The following RSU1 variants were observed in gnomAD, a reference collection of about 807,000 sequenced individuals.
RSU1 encodes Ras suppressor protein 1.
In RSU1, 26 loss-of-function variants were observed where a neutral mutation model predicts 31.1. That is an observed-to-expected ratio of 0.84 (90% CI 0.61 to 1.16). RSU1 has a LOEUF of 1.16. Among genes scored for constraint, RSU1 ranks in the 50% most tolerant of loss-of-function variants. The probability of loss-of-function intolerance (pLI) is 0.00; values close to 1 mark genes in which losing one functional copy is unlikely to be tolerated. For missense variants in RSU1, 320 were observed against 339.1 expected (o/e 0.94, Z 0.44); for synonymous variants, 164 against 136.3 (o/e 1.20, Z -1.41).
intron 4 of RSU1, among the ~76,000 whole-genome samples, chr10:16,761,982 G>A (rs778275272): frequency 6.6e-6 from 1 of 152,094 alleles, no homozygotes; most frequent in Non-Finnish European, 1.5e-5. Flanking sequence ...TTGTGCTCCT[G>A]AAGATCTCAT....
Position 16,726,235 on chromosome 10 carries a change from GACCT to G in RSU1, c.598+26300_598+26303del, listed in dbSNP as rs1194847932. ...TTGTCAATATAGTTACCTGCTTCTT[GACCT>G]ACCTTTCTGTCTATCTTAGGAACGT... On this transcript the variant is annotated intron_variant, in intron 7 of 8. Coordinates refer to ENST00000345264, the MANE Select transcript of RSU1 (RefSeq NM_012425.4). Among the ~76,000 whole-genome samples the G allele has an allele frequency of 2.0e-5, 3 of 149,756 alleles. No homozygotes were observed. In the East Asian group the frequency reaches 5.9e-4, roughly 29 times the overall value.
At chr10:16,762,538 T>A (rs376427081) in intron 4 of RSU1, among the ~76,000 whole-genome samples, 8 of 151,250 alleles carry the variant, frequency 5.3e-5, no homozygotes, top group East Asian at 3.9e-4. Flanking sequence ...CCATCTCATC[T>A]CAAGCGATGT....
chr10:16,780,283 G>A (rs1347510697), intron 3 of RSU1, among the ~76,000 whole-genome samples: 2 of 152,260 alleles, frequency 1.3e-5, no homozygotes, highest in East Asian at 3.9e-4. Flanking sequence ...TTGGAGACAG[G>A]GTCTACCTCT....
At chr10:16,755,571 T>G (rs549959147) in intron 4 of RSU1, among the ~76,000 whole-genome samples, 1 of 152,108 alleles carries the variant, frequency 6.6e-6, no homozygotes, top group Admixed American at 6.5e-5. Context: ...ACGCGCTGCC[T>G]CATATGCTTG....
In RSU1 at chr10:16,641,429, T is replaced by G. The variant is rs543164121; in HGVS notation, c.732-47933A>C. On this transcript the variant is annotated intron_variant, in intron 8 of 8. Coordinates refer to ENST00000345264, the MANE Select transcript of RSU1 (RefSeq NM_012425.4). ...CTCGTATGAACCCAAGAGGCGGAGG[T>G]TGCAGTAAGCCGAGACTGTGCCACT... 2.7e-3 allele frequency among the ~76,000 whole-genome samples: 405 copies of G among 150,870 alleles called. 1 individual carries two copies. The highest frequency in any genetic ancestry group is 9.5e-3 in the African/African-American group (386 of 40,728).
At chr10:16,703,778 T>C (rs1302525701) in intron 7 of RSU1, among the ~76,000 whole-genome samples, 2 of 152,152 alleles carry the variant, frequency 1.3e-5, no homozygotes, top group Non-Finnish European at 2.9e-5. Flanking sequence ...GAAATACACA[T>C]ATAAGTGTAT....
intron 3 of RSU1, among the ~76,000 whole-genome samples, chr10:16,778,359 C>A (rs763669675): frequency 2.6e-5 from 4 of 152,182 alleles, no homozygotes; most frequent in African/African-American, 4.8e-5. Flanking sequence ...ATGTTCCCCA[C>A]TTTCTCTCCA....
rs1833524036 is a variant in RSU1, at chr10:16,592,447, G to A, written c.*947C>T. 6.6e-6 allele frequency: 1 copy of A among 152,190 alleles called. No homozygotes were observed. The highest frequency in any genetic ancestry group is 6.5e-5 in the Admixed American group (1 of 15,286). 9.4% of individuals were successfully genotyped at this position (152,190 alleles called of 1,614,324 possible). On this transcript the variant is annotated 3_prime_UTR_variant, in exon 9 of 9. Transcript: ENST00000345264. Reference sequence around the variant, plus strand: ...GATTGTTTAATGACTCTGCAACTGTGGTTTCCACCCTGGGTGTGGTGTAGC... The same window carrying A: ...GATTGTTTAATGACTCTGCAACTGTAGTTTCCACCCTGGGTGTGGTGTAGC...
At chr10:16,635,600 G>A (rs922411943) in intron 8 of RSU1, among the ~76,000 whole-genome samples, 15 of 152,076 alleles carry the variant, frequency 9.9e-5, no homozygotes, top group African/African-American at 3.4e-4. Flanking sequence ...AAATGATACT[G>A]TCCCAGCAAC....
At chr10:16,747,816 C>T (rs536440802) in intron 7 of RSU1, among the ~76,000 whole-genome samples, 2 of 152,184 alleles carry the variant, frequency 1.3e-5, no homozygotes, top group East Asian at 1.9e-4. Context: ...GAGGATCACT[C>T]AAGCACAGGA....
At chr10:16,788,692 G>A (rs1837849523) in intron 2 of RSU1, among the ~76,000 whole-genome samples, 1 of 152,204 alleles carries the variant, frequency 6.6e-6, no homozygotes, top group Non-Finnish European at 1.5e-5. Flanking sequence ...GACAGCCTGA[G>A]CTCAGCCATC....
At chr10:16,745,529 A>G (rs1214115410) in intron 7 of RSU1, among the ~76,000 whole-genome samples, 1 of 152,166 alleles carries the variant, frequency 6.6e-6, no homozygotes, top group African/African-American at 2.4e-5. Context: ...ATCTTACATG[A>G]ATGGCAGGAG....
intron 3 of RSU1, among the ~76,000 whole-genome samples, chr10:16,766,226 A>G (rs1288418883): frequency 6.6e-6 from 1 of 152,232 alleles, no homozygotes; most frequent in Non-Finnish European, 1.5e-5. Context: ...GGCCGTTGAT[A>G]AAAGAACAAG....
intron 2 of RSU1, among the ~76,000 whole-genome samples, chr10:16,797,908 C>T (rs1221328502): frequency 1.5e-5 from 2 of 136,018 alleles, no homozygotes; most frequent in South Asian, 4.7e-4. Context: ...GTTGCCCAGA[C>T]TGGAGTGGAG....
chr10:16,770,722 C>A (rs866752827), intron 3 of RSU1, among the ~76,000 whole-genome samples: 4 of 152,198 alleles, frequency 2.6e-5, no homozygotes, highest in Non-Finnish European at 5.9e-5. Flanking sequence ...GGACTTAAGG[C>A]AGGTACTTCG....
chr10:16,786,365 C>G (rs1837792127), intron 2 of RSU1, among the ~76,000 whole-genome samples: 3 of 152,178 alleles, frequency 2.0e-5, no homozygotes, highest in Admixed American at 6.5e-5. Flanking sequence ...TTAGTCCTTT[C>G]GACACACGCC....
intron 8 of RSU1, among the ~76,000 whole-genome samples, chr10:16,627,105 C>T (rs895332342): frequency 2.0e-5 from 3 of 152,220 alleles, no homozygotes; most frequent in Non-Finnish European, 4.4e-5. Context: ...ACTTCACTGA[C>T]AGGACGACCA....
intron 2 of RSU1, among the ~76,000 whole-genome samples, chr10:16,805,207 A>AAATAAT (rs542547588): frequency 6.6e-6 from 1 of 151,540 alleles, no homozygotes; most frequent in Non-Finnish European, 1.5e-5. Context: ...ACTCCATCTC[A>AAATAAT]AATAATAATA....
intron 2 of RSU1, among the ~76,000 whole-genome samples, chr10:16,797,086 C>T (rs969508908): frequency 1.4e-4 from 22 of 152,164 alleles, no homozygotes; most frequent in African/African-American, 5.3e-4. Context: ...GCAGGGCCTG[C>T]AGTAGGGTCT....
Sources: gnomAD v4.1 joint callset for allele counts (sites outside exome capture counted in the v4.1 genomes callset) on GRCh38, gnomAD v4.1.1 for gene constraint, MANE v1.5 for transcripts, NCBI Gene and HGNC (gene_info 2026-07-23, HGNC 2026-07-21) for gene names.